The following MYOM2 variants were observed in gnomAD, a reference collection of about 807,000 sequenced individuals.
The protein encoded by MYOM2 is myomesin-2.
Under a neutral mutation model 187.6 loss-of-function variants are expected in MYOM2, and 254 were observed. That is an observed-to-expected ratio of 1.35 (90% CI 1.22 to 1.50). The LOEUF is 1.50. Among genes scored for constraint, MYOM2 ranks in the 40% most tolerant of loss-of-function variants. MYOM2 has a pLI of 0.00. For synonymous variants in MYOM2, 981 were observed against 753.8 expected (o/e 1.30, Z -4.94); for missense variants, 2,796 against 1,924.0 (o/e 1.45, Z -8.48).
intron 31 of MYOM2, among the ~76,000 whole-genome samples, chr8:2,128,613 T>C (rs1464814774): frequency 1.3e-5 from 2 of 152,220 alleles, no homozygotes; most frequent in Non-Finnish European, 2.9e-5. Context: ...TTCTCGTTTA[T>C]TGCATTTTCT....
chr8:2,087,372 A>T (rs558175893), intron 14 of MYOM2, among the ~76,000 whole-genome samples: 1 of 152,206 alleles, frequency 6.6e-6, no homozygotes, highest in African/African-American at 2.4e-5. Flanking sequence ...AGCATGGAGG[A>T]GGACCCTCTG....
At chr8:2,057,950 G>A (rs143950054) in intron 5 of MYOM2, among the ~76,000 whole-genome samples, 170 bp downstream of exon 5, 1 of 144,496 alleles carries the variant, frequency 6.9e-6, no homozygotes, top group East Asian at 2.0e-4. Flanking sequence ...TAACTCATAT[G>A]CAAACATTTT....
At chr8:2,108,402 GC>G (rs1172355398) in intron 23 of MYOM2, among the ~76,000 whole-genome samples, 2 of 151,936 alleles carry the variant, frequency 1.3e-5, no homozygotes, top group African/African-American at 2.4e-5. Flanking sequence ...AAAGTCACAG[GC>G]CAGAAGCACG....
chr8:2,062,303 G>C (rs1284026070), intron 6 of MYOM2, among the ~76,000 whole-genome samples: 1 of 152,234 alleles, frequency 6.6e-6, no homozygotes, highest in East Asian at 1.9e-4. Flanking sequence ...ACCTCTAGAG[G>C]ATCACTCTGA....
intron 6 of MYOM2, 96 bp downstream of exon 6, chr8:2,059,341 C>A: frequency 1.9e-6 from 2 of 1,047,474 alleles, no homozygotes. Context: ...GGCCAAATCA[C>A]ACCTGTCTGT....
At chr8:2,078,580 A>G (rs1819512432) in intron 11 of MYOM2, among the ~76,000 whole-genome samples, 154 bp from the exon 12 acceptor site, 1 of 152,170 alleles carries the variant, frequency 6.6e-6, no homozygotes, top group Non-Finnish European at 1.5e-5. Flanking sequence ...TCTAATGTTT[A>G]TCTATACAAG....
intron 10 of MYOM2, among the ~76,000 whole-genome samples, chr8:2,074,341 G>T (rs1819340366): frequency 6.6e-6 from 1 of 152,152 alleles, no homozygotes; most frequent in South Asian, 2.1e-4. Flanking sequence ...GGGTAGAGAA[G>T]CTCAGATTTA....
rs549491685 is a variant in MYOM2, at chr8:2,080,303, G to A, written c.1516+690G>A. 9.8e-5 allele frequency among the ~76,000 whole-genome samples: 15 copies of A among 152,324 alleles called. No homozygotes were observed. In the East Asian group the frequency reaches 1.3e-3, roughly 14 times the overall value. ...TGAGCTGCTCGCTAAAATCACAGCC[G>A]TGTTCTCTCTCCTAGAGCTGCAGAC... On this transcript the variant is annotated intron_variant, in intron 13 of 36. Transcript: ENST00000262113.
rs1797766371 is a variant in MYOM2 at position 2,129,225 on chromosome 8, T to A, written c.3793T>A (p.Cys1265Ser). 1.9e-6 allele frequency: 3 copies of A among 1,608,142 alleles called. 1 individual carries two copies. The Admixed American group carries it at 5.0e-5, about 27-fold the overall frequency. The change falls in exon 32 of 37, where the codon TGT becomes AGT. Residue 1265 changes from cysteine to serine, a missense_variant. Transcript: ENST00000262113. ...TACAGACGAAATGAAAGTGAACTGG[T>A]GTCACAAGTAAGTATGACAGCAGCC... Reference protein sequence around the residue: ...YFTDEMKVNWCHKDAKISSSE... With the variant: ...YFTDEMKVNWSHKDAKISSSE...
chr8:2,082,380 T>A (rs1191145507), intron 13 of MYOM2, among the ~76,000 whole-genome samples: 1 of 145,892 alleles, frequency 6.9e-6, no homozygotes, highest in Non-Finnish European at 1.5e-5. Flanking sequence ...TACCTGTGTC[T>A]TTTTTCTTCA....
intron 31 of MYOM2, among the ~76,000 whole-genome samples, chr8:2,126,416 C>G (rs1433193517): frequency 6.8e-6 from 1 of 146,356 alleles, no homozygotes; most frequent in African/African-American, 2.5e-5. Flanking sequence ...CACGATTTCC[C>G]ACTCAGACAT....
At chr8:2,089,961 G>A in intron 14 of MYOM2, 47 bp from the exon 15 acceptor site, 6 of 1,593,792 alleles carry the variant, frequency 3.8e-6, no homozygotes, top group South Asian at 3.4e-5. Flanking sequence ...CGCCTCTGGG[G>A]ACCTCGCGGT....
At chr8:2,079,473 G>A (rs1036699716) in intron 12 of MYOM2, 87 bp from the exon 13 acceptor site, 1 of 1,276,102 alleles carries the variant, frequency 7.8e-7, no homozygotes, top group Non-Finnish European at 1.1e-6. Context: ...ATGCAGAGGA[G>A]ATGCAGAGCT....
At chr8:2,098,041 C>G (rs946984284) in intron 18 of MYOM2, 3 of 152,154 alleles carry the variant, frequency 2.0e-5, no homozygotes, top group Admixed American at 6.5e-5. Flanking sequence ...CACACAGTGT[C>G]TGTCCTTTTG....
chr8:2,126,446 C>G (rs1376556999), intron 31 of MYOM2, among the ~76,000 whole-genome samples: 5 of 152,086 alleles, frequency 3.3e-5, no homozygotes, highest in Admixed American at 6.5e-5. Flanking sequence ...CTGACACACA[C>G]CAGTGTACCC....
chr8:2,117,441 C>G (rs917554109), intron 27 of MYOM2, among the ~76,000 whole-genome samples: 8 of 152,114 alleles, frequency 5.3e-5, no homozygotes, highest in African/African-American at 1.9e-4. Context: ...TACAAAATTG[C>G]TAGGTCAAAC....
rs761377531 is a variant in MYOM2, at chr8:2,078,926, G to A, written c.1455G>A (p.Arg485=). 1 of 1,613,784 alleles carries A rather than the reference G, an allele frequency of 6.2e-7. No individual in the cohort carries two copies. The highest frequency in any genetic ancestry group is 8.5e-7 in the Non-Finnish European group (1 of 1,179,796). Residue 485 remains arginine (R), a synonymous_variant, in exon 12 of 37, where the codon AGG becomes AGA. Coordinates refer to ENST00000262113, the MANE Select transcript of MYOM2 (RefSeq NM_003970.4). ...CACTTGACCCCTTGGACCTCAGAAGGTTACAAGGTAAGCTGCTCACGCCTA... is the reference window on the plus strand; with the variant it reads ...CACTTGACCCCTTGGACCTCAGAAGATTACAAGGTAAGCTGCTCACGCCTA... The part of the protein sequence containing the change: ...VAALDPLDLR[R]LQAVHLEGEK...
In MYOM2 at chr8:2,072,372, C is replaced by G. The variant is rs369641198; in HGVS notation, c.821C>G (p.Thr274Arg). Residue 274 changes from threonine to arginine, a missense_variant, in exon 9 of 37, where the codon ACG becomes AGG. Thr to Arg is a moderately conservative substitution (Grantham distance 71, BLOSUM62 -1). Transcript: ENST00000262113. ...CCCCTGTCATCGATGATTCCGTACA[C>G]GCACTTCGACGTCCAGTTTTTGGAG... is the stretch of plus-strand genomic sequence containing the variant. ...GLPLSSMIPY[T>R]HFDVQFLEKF... 2.5e-6 allele frequency: 4 copies of G among 1,614,058 alleles called. No homozygotes were observed. The highest frequency in any genetic ancestry group is 1.1e-5 in the South Asian group (1 of 91,090).
At chr8:2,060,137 T>G (rs1585831533) in intron 6 of MYOM2, among the ~76,000 whole-genome samples, 1 of 152,202 alleles carries the variant, frequency 6.6e-6, no homozygotes, top group East Asian at 1.9e-4. Context: ...GACCCTGACA[T>G]TACACAAGTC....
Sources: allele counts gnomAD v4.1 joint callset (sites outside exome capture counted in the v4.1 genomes callset), GRCh38; gene constraint gnomAD v4.1.1; transcripts MANE v1.5; gene names NCBI Gene and HGNC (gene_info 2026-07-23, HGNC 2026-07-21).